The following ZER1 variants were observed in gnomAD, a reference collection of about 807,000 sequenced individuals.
The protein encoded by ZER1 is zyg-11 related cell cycle regulator.
Under a neutral mutation model 78.8 loss-of-function variants are expected in ZER1, and 11 were observed. The observed-to-expected ratio is 0.14, with a 90% CI of 0.09 to 0.23. The LOEUF (loss-of-function observed/expected upper bound fraction) is 0.23, where lower values mean the gene tolerates loss of function less well. Ranked by LOEUF, ZER1 falls within the 10% of genes least tolerant of loss-of-function variation. The probability of loss-of-function intolerance (pLI) is 1.00; values close to 1 mark genes in which losing one functional copy is unlikely to be tolerated. For synonymous variants in ZER1, 400 were observed against 407.0 expected (o/e 0.98, Z 0.21); for missense variants, 588 against 996.9 (o/e 0.59, Z 5.52).
At chr9:128,731,437 T>TTGGGGG in intron 15 of ZER1, 43 bp from the exon 16 acceptor site, 5 of 451,592 alleles carry the variant, frequency 1.1e-5, no homozygotes, top group Admixed American at 5.9e-5. Flanking sequence ...TGGGCTTGGG[T>TTGGGGG]GGGGGTGAGC....
Position 128,740,180 on chromosome 9 carries a change from C to A in ZER1, c.1854-61G>T, listed in dbSNP as rs1489422422. 4 of 1,497,618 alleles carry A rather than the reference C, an allele frequency of 2.7e-6. No individual in the cohort carries two copies. Among genetic ancestry groups the A allele is most frequent in the Non-Finnish European group, 2.7e-6 (3 of 1,110,004 alleles). The allele number at this position is 1,497,618 out of a possible 1,614,324, so 92.8% of individuals were successfully genotyped here. A position where few individuals can be genotyped will look rare whatever the true frequency, so the allele number is the denominator to read the frequency against. ...CCCCCAGTTTCTCTTCAGATACCAG[C>A]GGCAGGACCCCAACTTAAAACCAGA... On this transcript the variant is annotated intron_variant, in intron 12 of 15. Coordinates refer to ENST00000291900, the MANE Select transcript of ZER1 (RefSeq NM_006336.4). The surrounding 1 kb of genome is among the most constrained non-coding windows in gnomAD (Gnocchi z 4.4).
chr9:128,769,992 C>T (rs1276179545), intron 1 of ZER1, among the ~76,000 whole-genome samples: 3 of 152,082 alleles, frequency 2.0e-5, no homozygotes, highest in African/African-American at 7.2e-5. Context: ...CATTAGACAC[C>T]CTGTGACCCT....
At chr9:128,756,172 G>A (rs945242325) in intron 1 of ZER1, among the ~76,000 whole-genome samples, 4 of 152,244 alleles carry the variant, frequency 2.6e-5, no homozygotes, top group African/African-American at 9.6e-5. Flanking sequence ...ACGTGGCCGA[G>A]CACGGTGGCT....
At chr9:128,759,789 C>T (rs566859345) in intron 1 of ZER1, among the ~76,000 whole-genome samples, 4 of 151,636 alleles carry the variant, frequency 2.6e-5, no homozygotes, top group South Asian at 4.2e-4. Context: ...AGCGAGACTC[C>T]GTCTCAAAAA....
At chr9:128,742,950 GTATAGT>G (rs1256658711) in intron 8 of ZER1, among the ~76,000 whole-genome samples, 1 of 152,122 alleles carries the variant, frequency 6.6e-6, no homozygotes, top group African/African-American at 2.4e-5. Flanking sequence ...AAACACAAAT[GTATAGT>G]TTTATAAATG....
chr9:128,735,294 G>A (rs1422806434), intron 14 of ZER1, 40 bp downstream of exon 14: 1 of 1,566,798 alleles, frequency 6.4e-7, no homozygotes, highest in South Asian at 1.2e-5. Context: ...TCTGCTTTCA[G>A]CTGGATGAGT....
chr9:128,739,813 C>A, intron 13 of ZER1, 118 bp downstream of exon 13: 2 of 1,288,642 alleles, frequency 1.6e-6, no homozygotes, highest in South Asian at 1.4e-5. Flanking sequence ...GAAAGCAGAA[C>A]CCTACAGAAG....
At chr9:128,748,033 T>C (rs577485203) in intron 8 of ZER1, among the ~76,000 whole-genome samples, 3 of 152,096 alleles carry the variant, frequency 2.0e-5, no homozygotes, top group Non-Finnish European at 4.4e-5. Flanking sequence ...GGCAGGAGGA[T>C]CACTTGAGCT....
rs773813493 is a variant in ZER1 at position 128,751,215 on chromosome 9, C to G, written c.1092G>C (p.Thr364=). ...EQVLNAIEAY[T]EHRPEITSRA... ...GCGAGGTGATCTCAGGCCGGTGCTCCGTGTAGGCCTCGATGGCATTCAGCA... is the reference window on the plus strand; with the variant it reads ...GCGAGGTGATCTCAGGCCGGTGCTCGGTGTAGGCCTCGATGGCATTCAGCA... The change falls in exon 7 of 16, where the codon ACG becomes ACC. Residue 364 remains threonine (T), a synonymous_variant. Coordinates refer to ENST00000291900, the MANE Select transcript of ZER1 (RefSeq NM_006336.4). This position sits in a 1 kb window ranked among gnomAD's most constrained non-coding sequence, Gnocchi z 5.4. The G allele has an allele frequency of 1.2e-6, 2 of 1,606,524 alleles. No individual in the cohort carries two copies. The highest frequency in any genetic ancestry group is 1.7e-6 in the Non-Finnish European group (2 of 1,173,728).
chr9:128,738,177 T>A (rs1863153417), intron 13 of ZER1, among the ~76,000 whole-genome samples: 2 of 148,986 alleles, frequency 1.3e-5, no homozygotes, highest in South Asian at 4.2e-4. Flanking sequence ...CCCGAGTAGC[T>A]GGGACTACAG....
intron 8 of ZER1, among the ~76,000 whole-genome samples, chr9:128,744,483 CTTTTTTTTTTTTTGGATGGAG>C (rs1426661941): frequency 1.5e-5 from 2 of 135,448 alleles, no homozygotes; most frequent in Non-Finnish European, 3.2e-5. Context: ...CGTGCAGGGC[CTTTTTTTTTTTTTGGATGGAG>C]TTTCACTCTT....
chr9:128,744,020 C>T lies in ZER1; in HGVS notation c.1360-1275G>A, dbSNP rs1429786517. ...TTCAAGCAATTTTCTACCTCAGCCT[C>T]CTGAGTAGCTAGGATTACAGGCAAC... On this transcript the variant is annotated intron_variant, in intron 8 of 15. Transcript: ENST00000291900. Among the ~76,000 whole-genome samples, 6 of 151,796 alleles carry T rather than the reference C, an allele frequency of 4.0e-5. No homozygotes were observed. In the East Asian group the frequency reaches 1.2e-3, roughly 30 times the overall value.
Position 128,755,581 on chromosome 9 carries a change from G to T in ZER1, c.-16C>A, listed in dbSNP as rs1432493164. 2 of 1,607,106 alleles carry T rather than the reference G, an allele frequency of 1.2e-6. No individual in the cohort carries two copies. The highest frequency in any genetic ancestry group is 3.3e-5 in the Admixed American group (2 of 59,912). ...CGGACGCCATGCTGGGGGCAAGCAG[G>T]TGGGCCACTCCAGGACAAGGATCCC... On this transcript the variant is annotated 5_prime_UTR_variant, in exon 2 of 16. Transcript: ENST00000291900. The surrounding 1 kb of genome is among the most constrained non-coding windows in gnomAD (Gnocchi z 5.6).
chr9:128,734,144 A>AAAAATATATATATATATATATATAT, intron 14 of ZER1, among the ~76,000 whole-genome samples: 4 of 14,416 alleles, frequency 2.8e-4, no homozygotes, highest in Non-Finnish European at 5.8e-4. Context: ...AAAAAAAAAA[A>AAAAATATATATATATATATATATAT]ATATATATAT....
Position 128,753,016 on chromosome 9 carries a change from T to A in ZER1, c.746+148A>T. On this transcript the variant is annotated intron_variant, in intron 4 of 15. Transcript: ENST00000291900. The surrounding 1 kb of genome is among the most constrained non-coding windows in gnomAD (Gnocchi z 7.5). ...AACAGCCCCAATCCAGCTGAAACAC[T>A]GGGTTTAAGGAATGGGACTGTGTCT... is the stretch of plus-strand genomic sequence containing the variant. 1 of 1,201,072 alleles carries A rather than the reference T, an allele frequency of 8.3e-7. No homozygotes were observed. Among genetic ancestry groups the A allele is most frequent in the Non-Finnish European group, 1.1e-6 (1 of 875,470 alleles). 74.4% of individuals were successfully genotyped at this position (1,201,072 alleles called of 1,614,324 possible). A position where few individuals can be genotyped will look rare whatever the true frequency, so the allele number is the denominator to read the frequency against.
intron 8 of ZER1, among the ~76,000 whole-genome samples, chr9:128,748,465 G>A (rs1175278199): frequency 6.6e-6 from 1 of 151,918 alleles, no homozygotes; most frequent in Non-Finnish European, 1.5e-5. Flanking sequence ...CAGCTACTGG[G>A]GAGGCTGAGT....
rs1589535280 is a variant in ZER1, at chr9:128,753,748, C to T, written c.309+61G>A. The T allele has an allele frequency of 3.8e-6, 6 of 1,568,958 alleles. No homozygotes were observed. The highest frequency in any genetic ancestry group is 2.7e-5 in the African/African-American group (2 of 74,216). ...GGGCTGGGGATGGCTGGGCTGGAGG[C>T]GAGCAGCCTGGCCCCTGCTTGGTGT... On this transcript the variant is annotated intron_variant, in intron 3 of 15. Coordinates refer to ENST00000291900, the MANE Select transcript of ZER1 (RefSeq NM_006336.4). The surrounding 1 kb of genome is among the most constrained non-coding windows in gnomAD (Gnocchi z 7.5).
intron 14 of ZER1, among the ~76,000 whole-genome samples, chr9:128,733,895 C>T (rs1211548142): frequency 7.2e-6 from 1 of 139,440 alleles, no homozygotes; most frequent in Non-Finnish European, 1.5e-5. Context: ...TTTGGGAGGC[C>T]GAGACGGGCG....
intron 14 of ZER1, among the ~76,000 whole-genome samples, chr9:128,734,846 G>GT (rs71497406): frequency 0.16 from 23,313 of 142,754 alleles, 1,974 homozygotes; most frequent in African/African-American, 0.23. Context: ...GATGGTATGT[G>GT]TTTTTTTTTT....
Sources: allele counts gnomAD v4.1 joint callset (sites outside exome capture counted in the v4.1 genomes callset), GRCh38; gene constraint gnomAD v4.1.1; non-coding constraint Gnocchi (gnomAD v3.1); transcripts MANE v1.5; gene names NCBI Gene and HGNC (gene_info 2026-07-23, HGNC 2026-07-21).